The following ERBB4 variants were observed in gnomAD, a reference collection of about 807,000 sequenced individuals.
The protein encoded by ERBB4 is receptor tyrosine-protein kinase erbB-4.
A neutral mutation model predicts 158.0 loss-of-function variants in ERBB4; 42 were observed. That is an observed-to-expected ratio of 0.27 (90% CI 0.21 to 0.34). The LOEUF (loss-of-function observed/expected upper bound fraction) is 0.34, where lower values mean the gene tolerates loss of function less well. ERBB4 is among the 10% of genes least tolerant of loss of function. The pLI is 1.00. For missense variants in ERBB4, 1,333 were observed against 1,624.1 expected, an observed-to-expected ratio of 0.82 and a Z score of 3.08; for synonymous variants, 583 against 558.7, an observed-to-expected ratio of 1.04 and a Z score of -0.61.
At chr2:211,772,955 A>ATTTTTTT (rs1328976588) in intron 4 of ERBB4, among the ~76,000 whole-genome samples, 8 of 83,296 alleles carry the variant, frequency 9.6e-5, no homozygotes, top group African/African-American at 4.4e-4. Flanking sequence ...ATATATATAT[A>ATTTTTTT]TTTTTTTTTT....
At chr2:212,489,375 T>C (rs1247031551) in intron 1 of ERBB4, among the ~76,000 whole-genome samples, 1 of 151,978 alleles carries the variant, frequency 6.6e-6, no homozygotes, top group Non-Finnish European at 1.5e-5. Context: ...ATAAGAAGGA[T>C]ACTTACCAAG....
chr2:212,205,111 C>T (rs969051004), intron 1 of ERBB4, among the ~76,000 whole-genome samples: 3 of 152,016 alleles, frequency 2.0e-5, no homozygotes, highest in African/African-American at 7.2e-5. Context: ...AGCCACCGTG[C>T]CTGGCCAACT....
chr2:211,452,487 T>C (rs2064272746), intron 20 of ERBB4, among the ~76,000 whole-genome samples: 1 of 152,190 alleles, frequency 6.6e-6, no homozygotes, highest in African/African-American at 2.4e-5. Context: ...ATAAACTCTA[T>C]TTCTAAATGC....
At chr2:211,620,010 C>T (rs1331149500) in intron 18 of ERBB4, among the ~76,000 whole-genome samples, 3 of 151,938 alleles carry the variant, frequency 2.0e-5, no homozygotes, top group Admixed American at 1.3e-4. Context: ...GGATTTATCC[C>T]TTGGGAAAGT....
intron 16 of ERBB4, among the ~76,000 whole-genome samples, chr2:211,644,797 G>A (rs1206707556): frequency 3.3e-5 from 5 of 151,790 alleles, no homozygotes; most frequent in Non-Finnish European, 5.9e-5. Context: ...TAAACATAAC[G>A]CTTCCCTTTT....
intron 1 of ERBB4, among the ~76,000 whole-genome samples, chr2:212,196,348 C>T (rs1414736885): frequency 6.6e-6 from 1 of 151,982 alleles, no homozygotes; most frequent in Non-Finnish European, 1.5e-5. Flanking sequence ...TCATTCTCAT[C>T]TTTATAATGA....
At chr2:211,594,716 G>C (rs1376376565) in intron 19 of ERBB4, among the ~76,000 whole-genome samples, 1 of 152,114 alleles carries the variant, frequency 6.6e-6, no homozygotes, top group Admixed American at 6.5e-5. Context: ...TCTTACATCA[G>C]AAATTTACTG....
chr2:211,471,502 G>T (rs747122792), intron 20 of ERBB4, among the ~76,000 whole-genome samples: 1 of 151,826 alleles, frequency 6.6e-6, no homozygotes, highest in Non-Finnish European at 1.5e-5. Context: ...ATAAAGCAGC[G>T]CCAAAAAAAA....
At position 212,320,138 on chromosome 2, in the gene ERBB4, GGGATGGAAAAAGTCTGATATGTTCTGACT is replaced by G. The variant is rs1436274598; in HGVS notation, c.83-195264_83-195236del. ...TTACGGATTAGGGTTCCAGGTTTGC[GGGATGGAAAAAGTCTGATATGTTCTGACT>G]GGGTAAATCTACCAGGCCGATTACT... On this transcript the variant is annotated intron_variant, in intron 1 of 27. Coordinates refer to ENST00000342788, the MANE Select transcript of ERBB4 (RefSeq NM_005235.3). 5.4e-3 allele frequency among the ~76,000 whole-genome samples: 805 copies of G among 149,968 alleles called. 14 individuals are homozygous for G. The highest frequency in any genetic ancestry group is 0.017 in the African/African-American group (715 of 41,280).
chr2:211,958,344 G>A (rs914863729), intron 2 of ERBB4, among the ~76,000 whole-genome samples: 2 of 152,070 alleles, frequency 1.3e-5, no homozygotes, highest in African/African-American at 4.8e-5. Context: ...CCATGGACTT[G>A]TAGACAAGAA....
At chr2:211,426,875 A>T (rs548039376) in intron 22 of ERBB4, among the ~76,000 whole-genome samples, 1 of 151,904 alleles carries the variant, frequency 6.6e-6, no homozygotes, top group East Asian at 1.9e-4. Flanking sequence ...TAATGTATAA[A>T]TGCTAATCTA....
chr2:211,459,258 C>A (rs2064466000), intron 20 of ERBB4, among the ~76,000 whole-genome samples: 1 of 152,086 alleles, frequency 6.6e-6, no homozygotes, highest in African/African-American at 2.4e-5. Flanking sequence ...GATTTAGGAC[C>A]AACAACTAGA....
chr2:211,962,424 C>A (rs2081203866), intron 2 of ERBB4, among the ~76,000 whole-genome samples: 1 of 152,000 alleles, frequency 6.6e-6, no homozygotes, highest in Non-Finnish European at 1.5e-5. Flanking sequence ...CTTGAGAGAG[C>A]CTAGTGTTGT....
intron 1 of ERBB4, among the ~76,000 whole-genome samples, chr2:212,523,699 A>G (rs1692294367): frequency 6.6e-6 from 1 of 152,046 alleles, no homozygotes; most frequent in Non-Finnish European, 1.5e-5. Context: ...TTTAGAGGCT[A>G]TGAAAAGATA....
At chr2:212,206,389 T>C (rs13409465) in intron 1 of ERBB4, among the ~76,000 whole-genome samples, 15,677 of 152,130 alleles carry the variant, frequency 0.1, 1,249 homozygotes, top group African/African-American at 0.23. Flanking sequence ...AATGTTTTAG[T>C]GTTGGTTACA....
At chr2:212,001,006 C>T (rs1057164417) in intron 2 of ERBB4, among the ~76,000 whole-genome samples, 1 of 151,896 alleles carries the variant, frequency 6.6e-6, no homozygotes, top group African/African-American at 2.4e-5. Context: ...ATAAATGTTA[C>T]AAACACTTAG....
intron 3 of ERBB4, among the ~76,000 whole-genome samples, chr2:211,921,239 C>T (rs2079850609): frequency 6.6e-6 from 1 of 151,982 alleles, no homozygotes; most frequent in African/African-American, 2.4e-5. Flanking sequence ...TGCTTTTATT[C>T]AAGCTTTCCT....
chr2:211,505,856 A>T (rs748524524), intron 20 of ERBB4, among the ~76,000 whole-genome samples: 15 of 151,332 alleles, frequency 9.9e-5, no homozygotes, highest in Non-Finnish European at 7.4e-5. Flanking sequence ...GCTACTCAGG[A>T]GGCTGAGGCA....
At chr2:211,912,247 T>C (rs1410781685) in intron 3 of ERBB4, among the ~76,000 whole-genome samples, 1 of 152,080 alleles carries the variant, frequency 6.6e-6, no homozygotes, top group Non-Finnish European at 1.5e-5. Context: ...GGTGAAGAAA[T>C]GAGTCTTGTT....
Sources: allele counts gnomAD v4.1 joint callset (sites outside exome capture counted in the v4.1 genomes callset), GRCh38; gene constraint gnomAD v4.1.1; transcripts MANE v1.5; gene names NCBI Gene and HGNC (gene_info 2026-07-23, HGNC 2026-07-21).